The following SLC12A7 variants were observed in gnomAD, a reference collection of about 807,000 sequenced individuals.
The protein encoded by SLC12A7 is solute carrier family 12 member 7.
A neutral mutation model predicts 120.6 loss-of-function variants in SLC12A7; 100 were observed. That is an observed-to-expected ratio of 0.83 (90% confidence interval 0.71 to 0.98). The LOEUF (loss-of-function observed/expected upper bound fraction) is 0.98. Among genes scored for constraint, SLC12A7 ranks in the 50% least tolerant of loss-of-function variants. The probability of loss-of-function intolerance (pLI) is 0.00; values close to 1 mark genes in which losing one functional copy is unlikely to be tolerated. For missense variants in SLC12A7, 1,373 were observed against 1,548.1 expected (o/e 0.89, Z 1.90); for synonymous variants, 760 against 678.0 (o/e 1.12, Z -1.88).
upstream of SLC12A7, among the ~76,000 whole-genome samples, chr5:1,114,631 C>T (rs1370098473): frequency 6.6e-6 from 1 of 152,166 alleles, no homozygotes; most frequent in African/African-American, 2.4e-5. Context: ...AAGTGGCCCT[C>T]GGACACGTGG....
At chr5:1,087,147 G>A (rs762492782) in intron 5 of SLC12A7, 114 bp from the exon 6 acceptor site, 250 of 1,355,138 alleles carry the variant, frequency 1.8e-4, no homozygotes, top group Non-Finnish European at 2.3e-4. Flanking sequence ...CGAAGGCAGC[G>A]TGTAGACCCT....
the SLC12A7 span, among the ~76,000 whole-genome samples, chr5:1,130,811 G>T: frequency 6.6e-6 from 1 of 152,218 alleles, no homozygotes; most frequent in African/African-American, 2.4e-5. Flanking sequence ...GAAAGAGGAG[G>T]AGGCTGAGCT....
chr5:1,055,623 C>A (rs1735532189), intron 22 of SLC12A7, among the ~76,000 whole-genome samples: 1 of 152,244 alleles, frequency 6.6e-6, no homozygotes, highest in Non-Finnish European at 1.5e-5. Context: ...ACCCTACAGG[C>A]CTGTGGGGAC....
intron 8 of SLC12A7, among the ~76,000 whole-genome samples, chr5:1,082,949 C>CTA (rs1739369181): frequency 1.6e-5 from 2 of 123,048 alleles, no homozygotes; most frequent in African/African-American, 3.1e-5. Flanking sequence ...CTTCCCGTCT[C>CTA]GGGTTCTGGA....
At chr5:1,097,567 C>T (rs962422802) in intron 1 of SLC12A7, among the ~76,000 whole-genome samples, 4 of 152,230 alleles carry the variant, frequency 2.6e-5, no homozygotes, top group Admixed American at 6.5e-5. Context: ...CTGTGCAGGG[C>T]TGTGCGCCAG....
rs573965833 is a variant in SLC12A7, at chr5:1,098,066, C to T, written c.125-3818G>A. 2.0e-5 allele frequency among the ~76,000 whole-genome samples: 3 copies of T among 151,738 alleles called. No individual in the cohort carries two copies. In the South Asian group the frequency reaches 6.2e-4, roughly 31 times the overall value. Reference sequence around the variant, plus strand: ...GTTAAAAATCCAATGCCCTCTCTAACCTTCTGCACACCCAGCCGCCCCCTC... The same window carrying T: ...GTTAAAAATCCAATGCCCTCTCTAATCTTCTGCACACCCAGCCGCCCCCTC... On this transcript the variant is annotated intron_variant, in intron 1 of 23. Transcript: ENST00000264930.
intron 22 of SLC12A7, among the ~76,000 whole-genome samples, chr5:1,054,659 C>T (rs992922881): frequency 2.6e-5 from 4 of 152,218 alleles, no homozygotes; most frequent in Admixed American, 6.6e-5. Flanking sequence ...CGCAGAGGGG[C>T]GGCGGCGGAC....
At chr5:1,142,964 A>G in the SLC12A7 span, among the ~76,000 whole-genome samples, 14 of 118,544 alleles carry the variant, frequency 1.2e-4, no homozygotes, top group South Asian at 3.9e-3. Flanking sequence ...CCTGGGCCCC[A>G]GGCCCCGGGC....
At chr5:1,058,590 G>A (rs1370296738) in intron 21 of SLC12A7, among the ~76,000 whole-genome samples, 4 of 152,232 alleles carry the variant, frequency 2.6e-5, no homozygotes, top group Non-Finnish European at 5.9e-5. Context: ...CACTGGACCA[G>A]GTTCTTCTTC....
chr5:1,112,348 CCGG>C (rs1743098493), upstream of SLC12A7, among the ~76,000 whole-genome samples: 3 of 41,150 alleles, frequency 7.3e-5, no homozygotes, highest in Admixed American at 3.7e-4. Context: ...CCCGCCCTCC[CCGG>C]CCCCCTCCCC....
the SLC12A7 span, among the ~76,000 whole-genome samples, chr5:1,141,072 C>T: frequency 3.9e-5 from 6 of 152,196 alleles, no homozygotes; most frequent in Admixed American, 6.5e-5. Context: ...AGACACGTCT[C>T]GAAGCCTCGG....
In SLC12A7 at chr5:1,085,279, G is replaced by A; in HGVS notation, c.870C>T (p.Ala290=). 3 of 1,612,584 alleles carry A rather than the reference G, an allele frequency of 1.9e-6. No homozygotes were observed. The highest frequency in any genetic ancestry group is 1.1e-5 in the South Asian group (1 of 91,050). ...FLACVVLSIL[A]IYAGVIKSAF... is the part of the protein sequence containing the mutation. ...CAGACTTGATGACGCCGGCATAGAT[G>A]GCCAGGATGGACAGCACGACGCAGG... Residue 290 remains alanine, a synonymous_variant, in exon 7 of 24, where the codon GCC becomes GCT. Coordinates refer to ENST00000264930, the MANE Select transcript of SLC12A7 (RefSeq NM_006598.3).
Position 1,085,217 on chromosome 5 carries a change from G to T in SLC12A7, c.917+15C>A. On this transcript the variant is annotated intron_variant, in intron 7 of 23. Coordinates refer to ENST00000264930, the MANE Select transcript of SLC12A7 (RefSeq NM_006598.3). ...GCCCCACACCCACCCACGGCTCAGAGGCCCCGAGACTCACGGGATGTCCGG... is the reference window on the plus strand; with the variant it reads ...GCCCCACACCCACCCACGGCTCAGATGCCCCGAGACTCACGGGATGTCCGG... 6.2e-7 allele frequency: 1 copy of T among 1,611,170 alleles called. No homozygotes were observed. Among genetic ancestry groups the T allele is most frequent in the East Asian group, 2.2e-5 (1 of 44,818 alleles).
intron 5 of SLC12A7, among the ~76,000 whole-genome samples, chr5:1,087,520 C>A (rs1474093321): frequency 1.3e-5 from 2 of 152,246 alleles, no homozygotes; most frequent in African/African-American, 4.8e-5. Flanking sequence ...CTGAGCAGTG[C>A]GTGTGGCATG....
the SLC12A7 span, among the ~76,000 whole-genome samples, chr5:1,118,400 C>T: frequency 8.5e-5 from 13 of 152,250 alleles, no homozygotes; most frequent in East Asian, 1.9e-4. Context: ...CACTGGGAAA[C>T]GTTTCAGTGC....
In SLC12A7 at chr5:1,059,065, G is replaced by A. The variant is rs571252667; in HGVS notation, c.2847+1279C>T. On this transcript the variant is annotated intron_variant, in intron 21 of 23. Transcript: ENST00000264930. ...TCTTGTTCCTAGCTGGACCCGGGCT[G>A]AACCCTTGTGACGCCAGGGCGACCC... Among the ~76,000 whole-genome samples the A allele has an allele frequency of 2.4e-3, 360 of 152,350 alleles. 3 individuals carry two copies. The highest frequency in any genetic ancestry group is 4.2e-3 in the Non-Finnish European group (283 of 68,030).
rs41280365 is a variant in SLC12A7 at position 1,065,377 on chromosome 5, G to C, written c.2343C>G (p.Ala781=). Residue 781 remains alanine, a synonymous_variant, in exon 18 of 24, where the codon GCC becomes GCG. Transcript: ENST00000264930. ...RDGMSHLIQS[A]GLGGLKHNTV... is the part of the protein sequence containing the mutation. ...TGTTGTGCTTCAGGCCGCCCAGGCC[G>C]GCCGACTGGATCAGGTGGGACATGC... The C allele has an allele frequency of 3.1e-6, 5 of 1,612,574 alleles. No homozygotes were observed. The highest frequency in any genetic ancestry group is 3.4e-6 in the Non-Finnish European group (4 of 1,179,632).
At chr5:1,122,875 G>A in the SLC12A7 span, among the ~76,000 whole-genome samples, 1 of 152,274 alleles carries the variant, frequency 6.6e-6, no homozygotes, top group Non-Finnish European at 1.5e-5. Flanking sequence ...CAACTTCAAA[G>A]GTATGTATCT....
intron 20 of SLC12A7, among the ~76,000 whole-genome samples, 171 bp downstream of exon 20, chr5:1,063,672 AG>A (rs1420957833): frequency 2.6e-4 from 2 of 7,832 alleles, no homozygotes; most frequent in African/African-American, 8.5e-4. Flanking sequence ...ACGAGGCCAC[AG>A]CCCTCCCGAT....
Sources: allele counts gnomAD v4.1 joint callset (sites outside exome capture counted in the v4.1 genomes callset), GRCh38; gene constraint gnomAD v4.1.1; transcripts MANE v1.5; gene names NCBI Gene and HGNC (gene_info 2026-07-23, HGNC 2026-07-21).